The following GLDN variants were observed in gnomAD, a reference collection of about 807,000 sequenced individuals.
The protein encoded by GLDN is gliomedin, also known as collomin.
Under a neutral mutation model 56.5 loss-of-function variants are expected in GLDN, and 47 were observed. That is an observed-to-expected ratio of 0.83 (90% confidence interval 0.66 to 1.06). GLDN has a LOEUF of 1.06. Among genes scored for constraint, GLDN ranks in the 50% least tolerant of loss-of-function variants. The pLI is 0.00. For synonymous variants in GLDN, 332 were observed against 278.8 expected (o/e 1.19, Z -1.90); for missense variants, 782 against 714.3 (o/e 1.09, Z -1.08).
At chr15:51,404,181 C>T (rs115706899) in intron 9 of GLDN, 96 bp from the exon 10 acceptor site, 1 of 936,998 alleles carries the variant, frequency 1.1e-6, no homozygotes, top group Non-Finnish European at 1.6e-6. Context: ...GCCCTCACCC[C>T]AGACCCACTA....
At chr15:51,383,399 G>A (rs777151270) in intron 2 of GLDN, 37 bp from the exon 3 acceptor site, 2 of 1,613,086 alleles carry the variant, frequency 1.2e-6, no homozygotes, top group Admixed American at 3.3e-5. Context: ...TCTGGGTTCG[G>A]TGCTGGTTTC....
At chr15:51,413,330 T>G in the GLDN span, among the ~76,000 whole-genome samples, 1 of 150,808 alleles carries the variant, frequency 6.6e-6, no homozygotes, top group Non-Finnish European at 1.5e-5. Flanking sequence ...AACTACTATC[T>G]ACACAAAAAA....
At chr15:51,352,982 G>T (rs2445774) in intron 1 of GLDN, among the ~76,000 whole-genome samples, 45,878 of 152,086 alleles carry the variant, frequency 0.3, 8,908 homozygotes, top group African/African-American at 0.53. Flanking sequence ...TTAAGAGTCA[G>T]GCAGCCAGAG....
chr15:51,377,329 C>T (rs1013777462), intron 1 of GLDN, 120 bp from the exon 2 acceptor site: 7 of 742,192 alleles, frequency 9.4e-6, no homozygotes, highest in African/African-American at 5.2e-5. Context: ...CTTGAACTTC[C>T]GCGGGTTCTC....
chr15:51,377,123 G>A (rs892172717), intron 1 of GLDN: 6 of 356,418 alleles, frequency 1.7e-5, no homozygotes, highest in Non-Finnish European at 3.1e-5. Context: ...TACGTGCTAT[G>A]CTTTTTACAA....
chr15:51,397,427 A>C lies in GLDN; in HGVS notation c.689-43A>C, dbSNP rs1147142. 0.88 allele frequency: 992,049 copies of C among 1,127,056 alleles called. 437,870 individuals are homozygous for C. The highest frequency in any genetic ancestry group is 0.97 in the African/African-American group (60,493 of 62,076). The allele number at this position is 1,127,056 out of a possible 1,614,324, so 69.8% of individuals were successfully genotyped here. A position where few individuals can be genotyped will look rare whatever the true frequency, so the allele number is the denominator to read the frequency against. On this transcript the variant is annotated intron_variant, in intron 5 of 9. Transcript: ENST00000335449. ...GTCCCTCTCTCCCCTTCCCCCTTCT[A>C]CCTCTTGCCTCCTTCTCTCCCTTTC...
chr15:51,345,909 A>T (rs961378199), intron 1 of GLDN, among the ~76,000 whole-genome samples: 2 of 152,238 alleles, frequency 1.3e-5, no homozygotes, highest in Non-Finnish European at 2.9e-5. Flanking sequence ...TATTACTAAG[A>T]AATCAATAGA....
chr15:51,360,671 T>C (rs2037279110), intron 1 of GLDN: 1 of 152,258 alleles, frequency 6.6e-6, no homozygotes, highest in South Asian at 2.1e-4. Context: ...GGACAGCCAA[T>C]ACTAGGTATT....
At chr15:51,368,922 A>G (rs1384462052) in intron 1 of GLDN, 1 of 152,172 alleles carries the variant, frequency 6.6e-6, no homozygotes, top group Non-Finnish European at 1.5e-5. Flanking sequence ...AGTAAGAGCT[A>G]AGTTTTGGTT....
intron 1 of GLDN, among the ~76,000 whole-genome samples, chr15:51,373,571 C>T (rs1428811834): frequency 6.6e-6 from 1 of 152,202 alleles, no homozygotes; most frequent in Non-Finnish European, 1.5e-5. Flanking sequence ...TGTCTGGGCT[C>T]CCTTCAGTTG....
chr15:51,404,958 G>A lies in GLDN; in HGVS notation c.*204G>A, dbSNP rs947460569. ...GAGATTTGGTGATCTCCCCACAGCT[G>A]GCTCTGCAAGTTACCTCTTTCTCCT... On this transcript the variant is annotated 3_prime_UTR_variant, in exon 10 of 10. Coordinates refer to ENST00000335449, the MANE Select transcript of GLDN (RefSeq NM_181789.4). 4.0e-6 allele frequency: 2 copies of A among 501,122 alleles called. No individual in the cohort carries two copies. The highest frequency in any genetic ancestry group is 7.1e-6 in the Non-Finnish European group (2 of 283,516). The allele number at this position is 501,122 out of a possible 1,614,324, so 31.0% of individuals were successfully genotyped here.
intron 4 of GLDN, among the ~76,000 whole-genome samples, chr15:51,388,543 G>T (rs1180494784): frequency 6.6e-6 from 1 of 152,198 alleles, no homozygotes; most frequent in Non-Finnish European, 1.5e-5. Context: ...TGAGGCCTGT[G>T]AGAGCTTGGC....
intron 1 of GLDN, among the ~76,000 whole-genome samples, chr15:51,371,019 A>C (rs2037505846): frequency 6.6e-6 from 1 of 152,094 alleles, no homozygotes; most frequent in African/African-American, 2.4e-5. Flanking sequence ...TAAAAAAAAA[A>C]ACCTATCCCC....
intron 2 of GLDN, among the ~76,000 whole-genome samples, chr15:51,380,065 A>G (rs1316205406): frequency 2.0e-5 from 3 of 152,168 alleles, no homozygotes; most frequent in Admixed American, 2.0e-4. Flanking sequence ...GGAAGGTGGC[A>G]GAAGTTACTG....
chr15:51,412,051 T>C (rs2038470811), downstream of GLDN, among the ~76,000 whole-genome samples: 1 of 152,234 alleles, frequency 6.6e-6, no homozygotes, highest in South Asian at 2.1e-4. Context: ...GTTCATGTTA[T>C]TGAGTGCTGA....
intron 1 of GLDN, among the ~76,000 whole-genome samples, chr15:51,348,801 C>G (rs931486955): frequency 6.6e-6 from 1 of 152,106 alleles, no homozygotes; most frequent in African/African-American, 2.4e-5. Flanking sequence ...TTAGGACTTC[C>G]AATCATGCAT....
chr15:51,364,499 C>G lies in GLDN; in HGVS notation c.364-12950C>G, dbSNP rs62020111. Among the ~76,000 whole-genome samples, 850 of 152,276 alleles carry G rather than the reference C, an allele frequency of 5.6e-3. 9 individuals are homozygous for G. Among genetic ancestry groups the G allele is most frequent in the Non-Finnish European group, 6.0e-3 (408 of 68,018 alleles). On this transcript the variant is annotated intron_variant, in intron 1 of 9. Coordinates refer to ENST00000335449, the MANE Select transcript of GLDN (RefSeq NM_181789.4). ...GGCTCAAGTCATCCTTCTGCTTTGG[C>G]CTCCCAAAGTGCTGGGATTACAGGT... is the stretch of plus-strand genomic sequence containing the variant.
chr15:51,399,706 C>T (rs2038207952), intron 6 of GLDN, among the ~76,000 whole-genome samples: 1 of 152,226 alleles, frequency 6.6e-6, no homozygotes, highest in African/African-American at 2.4e-5. Context: ...TGCCTGATGT[C>T]TCTCCCAGGA....
intron 1 of GLDN, among the ~76,000 whole-genome samples, chr15:51,355,653 A>AGCTGGGACCACAGGCAC (rs2037162150): frequency 6.7e-6 from 1 of 149,970 alleles, no homozygotes; most frequent in African/African-American, 2.5e-5. Context: ...CCTCCTGAGT[A>AGCTGGGACCACAGGCAC]GCTGGGACCA....
Sources: allele counts gnomAD v4.1 joint callset (sites outside exome capture counted in the v4.1 genomes callset), GRCh38; gene constraint gnomAD v4.1.1; transcripts MANE v1.5; gene names NCBI Gene and HGNC (gene_info 2026-07-23, HGNC 2026-07-21).